Variants in MED12L observed in about 807,000 individuals in gnomAD.
MED12L encodes mediator complex subunit 12L, also known as mediator of RNA polymerase II transcription subunit 12-like protein.
In MED12L, 60 loss-of-function variants were observed where a neutral mutation model predicts 281.3. The ratio of observed to expected loss-of-function variants is 0.21; its 90% CI spans 0.17 to 0.26. The LOEUF is 0.26. Among genes scored for constraint, MED12L ranks in the 10% least tolerant of loss-of-function variants. MED12L has a pLI of 1.00. For missense variants in MED12L, 2,146 were observed against 2,680.9 expected, an observed-to-expected ratio of 0.80 and a Z score of 4.41; for synonymous variants, 974 against 987.2, an observed-to-expected ratio of 0.99 and a Z score of 0.25.
intron 43 of MED12L, among the ~76,000 whole-genome samples, chr3:151,428,210 C>G (rs1045154344): frequency 6.6e-6 from 1 of 152,152 alleles, no homozygotes; most frequent in African/African-American, 2.4e-5. Flanking sequence ...ACAGTTACAG[C>G]TAAGTCAGGA....
rs192603401 is a variant in MED12L, at chr3:151,319,347, C to T, written c.2251-30712C>T. ...CCGGGAATCTTCATAGCGATAATTT[C>T]CTTTCCACTTCATTGGAAAATCCTG... is the stretch of plus-strand genomic sequence containing the variant. On this transcript the variant is annotated intron_variant, in intron 16 of 44. Coordinates refer to ENST00000687756, the MANE Select transcript of MED12L (RefSeq NM_001393769.1). 2.9e-3 allele frequency among the ~76,000 whole-genome samples: 443 copies of T among 152,146 alleles called. 7 individuals carry two copies. The highest frequency in any genetic ancestry group is 1.3e-3 in the Non-Finnish European group (86 of 68,002).
intron 2 of MED12L, among the ~76,000 whole-genome samples, chr3:151,111,321 T>G (rs1046774400): frequency 2.6e-5 from 4 of 152,254 alleles, no homozygotes; most frequent in Non-Finnish European, 5.9e-5. Context: ...AATTCTTCAC[T>G]ACTGTGTGAC....
intron 5 of MED12L, among the ~76,000 whole-genome samples, chr3:151,152,970 G>T (rs1173242586): frequency 1.3e-5 from 2 of 152,124 alleles, no homozygotes; most frequent in African/African-American, 4.8e-5. Flanking sequence ...AATACTGCAG[G>T]TATCCCAGGC....
Position 151,375,173 on chromosome 3 carries a change from A to G in MED12L, c.3865-853A>G, listed in dbSNP as rs1390699240. 2.6e-5 allele frequency among the ~76,000 whole-genome samples: 4 copies of G among 152,350 alleles called. No homozygotes were observed. The East Asian group carries it at 7.7e-4, about 29-fold the overall frequency. On this transcript the variant is annotated intron_variant, in intron 27 of 44. Transcript: ENST00000687756. ...AAAAAATTACTGATATTTGGGTGCC[A>G]CCACCTGAGTTTGACTTAATTAGTC...
At chr3:151,372,940 G>A (rs1358473998) in intron 27 of MED12L, among the ~76,000 whole-genome samples, 174 bp downstream of exon 27, 4 of 152,120 alleles carry the variant, frequency 2.6e-5, no homozygotes, top group Non-Finnish European at 5.9e-5. Context: ...AAAAACTCAT[G>A]TCCATCCTTT....
intron 2 of MED12L, among the ~76,000 whole-genome samples, chr3:151,108,094 T>C (rs1276244845): frequency 1.3e-5 from 2 of 152,116 alleles, no homozygotes; most frequent in Non-Finnish European, 2.9e-5. Flanking sequence ...AGCCTTCTGA[T>C]GCTTTTGGAT....
rs758702081 is a variant in MED12L at position 151,357,360 on chromosome 3, G to A, written c.2809G>A (p.Ala937Thr). ...TCTAATCTTGAATCCTGATCAGACAGCCCAGGTGTTTGAAGGGTTGGTATA... is the reference window on the plus strand; with the variant it reads ...TCTAATCTTGAATCCTGATCAGACAACCCAGGTGTTTGAAGGGTTGGTATA... ...SCLILNPDQT[A>T]QVFEGLCGVV... Residue 937 changes from alanine (A) to threonine (T), a missense_variant, in exon 20 of 45, where the codon GCC becomes ACC. Ala to Thr is a moderately conservative substitution (Grantham distance 58). Around this residue, in one of 9 missense-constraint regions of MED12L, gnomAD observed 404 missense variants for 603.5 expected, o/e 0.67. Coordinates refer to ENST00000687756, the MANE Select transcript of MED12L (RefSeq NM_001393769.1). 7 of 1,609,368 alleles carry A rather than the reference G, an allele frequency of 4.3e-6. No homozygotes were observed. Among genetic ancestry groups the A allele is most frequent in the Middle Eastern group, 1.7e-4 (1 of 6,054 alleles).
intron 2 of MED12L, among the ~76,000 whole-genome samples, chr3:151,094,734 G>C (rs184315372): frequency 2.0e-5 from 3 of 152,300 alleles, no homozygotes; most frequent in African/African-American, 7.2e-5. Flanking sequence ...CTGGGGGATA[G>C]GATTAAGGAT....
chr3:151,191,855 G>C (rs551219662), intron 14 of MED12L, among the ~76,000 whole-genome samples: 2 of 151,838 alleles, frequency 1.3e-5, no homozygotes, highest in Non-Finnish European at 2.9e-5. Context: ...GCAGTGAGCC[G>C]AGATTGCGCC....
chr3:151,376,177 A>C lies in MED12L; in HGVS notation c.4016A>C (p.Asp1339Ala). The change falls in exon 28 of 45, where the codon GAC becomes GCC. Residue 1339 changes from aspartate to alanine, a missense_variant. Physicochemically the swap from Asp to Ala is moderately radical, Grantham distance 126 (BLOSUM62 -2). Transcript: ENST00000687756. ...PHGIKECTEG[D>A]NLQRQHIKRI... Reference sequence around the variant, plus strand: ...GGCATTAAAGAATGTACCGAGGGGGACAATCTGCAAAGACAGCACATTAAG... The same window carrying C: ...GGCATTAAAGAATGTACCGAGGGGGCCAATCTGCAAAGACAGCACATTAAG... 6.2e-7 allele frequency: 1 copy of C among 1,600,760 alleles called. No individual in the cohort carries two copies. The highest frequency in any genetic ancestry group is 8.5e-7 in the Non-Finnish European group (1 of 1,174,846).
intron 16 of MED12L, chr3:151,214,001 A>G (rs1727673175): frequency 6.2e-7 from 1 of 1,613,990 alleles, no homozygotes; most frequent in Non-Finnish European, 8.5e-7. Flanking sequence ...ATGCTGACGT[A>G]CATGTTGACG....
intron 30 of MED12L, among the ~76,000 whole-genome samples, chr3:151,377,756 C>T (rs144911838): frequency 1.3e-5 from 2 of 152,154 alleles, no homozygotes; most frequent in Admixed American, 6.5e-5. Flanking sequence ...AGGGGGTCAT[C>T]GGAAAACATT....
chr3:151,413,236 C>G lies in MED12L; in HGVS notation c.6238C>G (p.Pro2080Ala). 6.2e-7 allele frequency: 1 copy of G among 1,614,206 alleles called. No individual in the cohort carries two copies. Among genetic ancestry groups the G allele is most frequent in the East Asian group, 2.2e-5 (1 of 44,880 alleles). ...TCCAAACCTTCCCTCCGTGCCCCTG[C>G]CTCAGGATCCCATGAGACCCAGACA... Reference protein sequence around the residue: ...AHPNLPSVPLPQDPMRPRQPQ... With the variant: ...AHPNLPSVPLAQDPMRPRQPQ... The change falls in exon 42 of 45, where the codon CCT (proline) becomes GCT (alanine). Residue 2080 changes from proline (P) to alanine (A), a missense_variant. Pro to Ala is a conservative substitution (Grantham distance 27). This residue lies in a region of MED12L where 496 missense variants were observed against 512.0 expected (regional missense o/e 0.97). Coordinates refer to ENST00000687756, the MANE Select transcript of MED12L (RefSeq NM_001393769.1).
intron 5 of MED12L, among the ~76,000 whole-genome samples, chr3:151,131,746 T>C (rs1026543303): frequency 1.5e-5 from 2 of 130,030 alleles, no homozygotes; most frequent in African/African-American, 5.6e-5. Flanking sequence ...AATGGAGAAA[T>C]GGAGGGAAGT....
chr3:151,243,958 G>T (rs1019451358), intron 16 of MED12L, among the ~76,000 whole-genome samples: 2 of 146,468 alleles, frequency 1.4e-5, no homozygotes, highest in African/African-American at 2.5e-5. Flanking sequence ...AAAGGCAGGG[G>T]TTGCAATACT....
intron 43 of MED12L, 78 bp from the exon 44 acceptor site, chr3:151,430,221 C>T: frequency 6.3e-7 from 1 of 1,594,770 alleles, no homozygotes; most frequent in Non-Finnish European, 8.6e-7. Flanking sequence ...ACAGACTGGC[C>T]CTGCGAGTTA....
At chr3:151,221,788 A>G (rs76304233) in intron 16 of MED12L, among the ~76,000 whole-genome samples, 2 of 152,186 alleles carry the variant, frequency 1.3e-5, no homozygotes, top group African/African-American at 4.8e-5. Context: ...GCAGTATAGA[A>G]GGGAAATGTG....
chr3:151,369,032 A>G (rs1372788766), intron 25 of MED12L, among the ~76,000 whole-genome samples: 1 of 152,130 alleles, frequency 6.6e-6, no homozygotes, highest in Non-Finnish European at 1.5e-5. Context: ...AAGTGCTGGG[A>G]TTACAGGCGT....
intron 16 of MED12L, among the ~76,000 whole-genome samples, chr3:151,266,650 A>T (rs956642250): frequency 6.6e-6 from 1 of 152,168 alleles, no homozygotes. Context: ...GAAGGAGTGG[A>T]TGAGCAAGTG....
Sources: gnomAD v4.1 joint callset for allele counts (sites outside exome capture counted in the v4.1 genomes callset) on GRCh38, gnomAD v4.1.1 for gene constraint, gnomAD v4.1.1 regional missense constraint, MANE v1.5 for transcripts, NCBI Gene and HGNC (gene_info 2026-07-23, HGNC 2026-07-21) for gene names.